The following STX8 variants were observed in gnomAD, a reference collection of about 807,000 sequenced individuals.
STX8 encodes syntaxin-8.
Under a neutral mutation model 37.5 loss-of-function variants are expected in STX8, and 23 were observed. That is an observed-to-expected ratio of 0.61 (90% CI 0.44 to 0.87). STX8 has a LOEUF of 0.87. Among genes scored for constraint, STX8 ranks in the 40% least tolerant of loss-of-function variants. The pLI is 0.00. For missense variants in STX8, 313 were observed against 284.7 expected, an observed-to-expected ratio of 1.10 and a Z score of -0.71; for synonymous variants, 115 against 99.1, an observed-to-expected ratio of 1.16 and a Z score of -0.95.
At chr17:9,364,351 T>C (rs1911158175) in intron 7 of STX8, among the ~76,000 whole-genome samples, 1 of 152,194 alleles carries the variant, frequency 6.6e-6, no homozygotes. Flanking sequence ...ATTATCTTCA[T>C]GATGGAGAAG....
intron 4 of STX8, among the ~76,000 whole-genome samples, chr17:9,513,314 A>T (rs1216576972): frequency 6.4e-4 from 3 of 4,722 alleles, no homozygotes; most frequent in African/African-American, 8.0e-4. Context: ...CTCTATTTCC[A>T]AAAAAAAAAA....
intron 7 of STX8, among the ~76,000 whole-genome samples, chr17:9,354,478 T>C (rs551508316): frequency 3.3e-5 from 5 of 152,126 alleles, no homozygotes; most frequent in African/African-American, 1.2e-4. Flanking sequence ...CGTGCCAACA[T>C]GCCTGGCTAA....
chr17:9,554,871 C>T (rs979038432), intron 3 of STX8: 1 of 148,850 alleles, frequency 6.7e-6, no homozygotes, highest in Non-Finnish European at 1.5e-5. Context: ...TGCCACTGCA[C>T]TCCAGTCTGG....
chr17:9,374,270 T>C (rs112280953), intron 7 of STX8, among the ~76,000 whole-genome samples: 20,554 of 151,924 alleles, frequency 0.14, 4,123 homozygotes, highest in African/African-American at 0.44. Flanking sequence ...GTAGTAGAGA[T>C]GGGGTTTCAC....
At chr17:9,516,254 AT>A (rs1255527501) in intron 4 of STX8, among the ~76,000 whole-genome samples, 2 of 141,616 alleles carry the variant, frequency 1.4e-5, no homozygotes, top group Non-Finnish European at 3.0e-5. Context: ...AAATGTAAAA[AT>A]ATTTTTTTCA....
intron 7 of STX8, among the ~76,000 whole-genome samples, chr17:9,352,118 C>T (rs1024659946): frequency 2.7e-5 from 4 of 149,708 alleles, no homozygotes; most frequent in African/African-American, 9.8e-5. Context: ...TGCCACTGCA[C>T]TCCAGCCTGG....
At chr17:9,509,139 C>T (rs1205014641) in intron 4 of STX8, among the ~76,000 whole-genome samples, 1 of 152,292 alleles carries the variant, frequency 6.6e-6, no homozygotes, top group East Asian at 1.9e-4. Flanking sequence ...ATCCCAGCTA[C>T]TCAGGAGGCA....
chr17:9,395,625 G>A (rs1243396491), intron 6 of STX8, among the ~76,000 whole-genome samples: 2 of 152,142 alleles, frequency 1.3e-5, no homozygotes, highest in East Asian at 3.9e-4. Context: ...TACAGGCTAA[G>A]GTATAGGTCC....
At chr17:9,315,598 T>C (rs1358845143) in intron 7 of STX8, among the ~76,000 whole-genome samples, 1 of 152,246 alleles carries the variant, frequency 6.6e-6, no homozygotes, top group East Asian at 1.9e-4. Flanking sequence ...ACATGTTGAC[T>C]ATGTATATTT....
At chr17:9,379,964 T>C (rs1379496716) in intron 6 of STX8, among the ~76,000 whole-genome samples, 1 of 133,964 alleles carries the variant, frequency 7.5e-6, no homozygotes, top group Non-Finnish European at 1.6e-5. Context: ...AGAGACTCTG[T>C]CTCAAAAAAA....
intron 6 of STX8, among the ~76,000 whole-genome samples, chr17:9,438,168 G>A (rs1431232232): frequency 1.3e-5 from 2 of 151,108 alleles, no homozygotes; most frequent in African/African-American, 4.9e-5. Context: ...GCTTGAACCC[G>A]GGAGGCGGAG....
At chr17:9,408,215 A>G (rs1912862344) in intron 6 of STX8, among the ~76,000 whole-genome samples, 1 of 152,178 alleles carries the variant, frequency 6.6e-6, no homozygotes, top group Non-Finnish European at 1.5e-5. Flanking sequence ...TTAGTTCTCA[A>G]ATGTCTGGCG....
chr17:9,340,034 T>C (rs12944207), intron 7 of STX8, among the ~76,000 whole-genome samples: 22,763 of 152,264 alleles, frequency 0.15, 1,901 homozygotes, highest in African/African-American at 0.21. Flanking sequence ...CGCGGGATCC[T>C]CCCATAGCAC....
intron 7 of STX8, among the ~76,000 whole-genome samples, chr17:9,340,808 C>G (rs1472852299): frequency 6.7e-6 from 1 of 150,194 alleles, no homozygotes; most frequent in Non-Finnish European, 1.5e-5. Context: ...CAGGCATGTG[C>G]GACTATGCCT....
chr17:9,457,074 T>C (rs1036584565), intron 6 of STX8, among the ~76,000 whole-genome samples: 11 of 152,116 alleles, frequency 7.2e-5, no homozygotes, highest in African/African-American at 1.9e-4. Flanking sequence ...AAATGCAGGG[T>C]TGCTCTAGAG....
At chr17:9,349,555 A>C (rs1910638683) in intron 7 of STX8, among the ~76,000 whole-genome samples, 1 of 151,940 alleles carries the variant, frequency 6.6e-6, no homozygotes, top group Non-Finnish European at 1.5e-5. Flanking sequence ...CTCCTCACTT[A>C]AGGCGATCCA....
At chr17:9,517,788 T>TAAAAAAA (rs11318149) in intron 4 of STX8, among the ~76,000 whole-genome samples, 2 of 98,734 alleles carry the variant, frequency 2.0e-5, no homozygotes, top group South Asian at 4.0e-4. Context: ...ACCCCTATTG[T>TAAAAAAA]AAAAAAAAAA....
chr17:9,412,123 T>A (rs1350386665), intron 6 of STX8, among the ~76,000 whole-genome samples: 1 of 152,074 alleles, frequency 6.6e-6, no homozygotes, highest in Non-Finnish European at 1.5e-5. Context: ...AATACACAAA[T>A]ACATAGTCCA....
intron 7 of STX8, among the ~76,000 whole-genome samples, chr17:9,268,697 C>CA (rs953400347): frequency 6.6e-6 from 1 of 152,162 alleles, no homozygotes; most frequent in Admixed American, 6.5e-5. Context: ...AGTAAAAACT[C>CA]AGAGCCAGAA....
Sources: allele counts gnomAD v4.1 joint callset (sites outside exome capture counted in the v4.1 genomes callset), GRCh38; gene constraint gnomAD v4.1.1; transcripts MANE v1.5; gene names NCBI Gene and HGNC (gene_info 2026-07-23, HGNC 2026-07-21).